Variants in ACSL4 observed in about 807,000 individuals in gnomAD.
ACSL4 encodes acyl-CoA synthetase long chain family member 4.
A neutral mutation model predicts 49.1 loss-of-function variants in ACSL4; 9 were observed. That is an observed-to-expected ratio of 0.18 (90% CI 0.11 to 0.32). The LOEUF (loss-of-function observed/expected upper bound fraction) is 0.32. ACSL4 is among the 10% of genes least tolerant of loss of function. ACSL4 has a pLI of 1.00. For missense variants in ACSL4, 333 were observed against 493.7 expected, an observed-to-expected ratio of 0.67 and a Z score of 3.08; for synonymous variants, 191 against 170.3, an observed-to-expected ratio of 1.12 and a Z score of -0.95.
intron 1 of ACSL4, among the ~76,000 whole-genome samples, chrX:109,729,386 A>T (rs1472679565): frequency 8.9e-6 from 1 of 112,063 alleles, no homozygotes; most frequent in Non-Finnish European, 1.9e-5. Context: ...TAAAACTAGG[A>T]GGATATATTA....
At position 109,700,911 on chromosome X, in the gene ACSL4, C is replaced by T. The variant is rs189676727; in HGVS notation, c.-65-4715G>A. On this transcript the variant is annotated intron_variant, in intron 1 of 15. Transcript: ENST00000672401. ...TACAAAAATTAGCCAGGTGTGGTGGCGCACACCTGCAGTCCCAGCTACTCA... is the reference window on the plus strand; with the variant it reads ...TACAAAAATTAGCCAGGTGTGGTGGTGCACACCTGCAGTCCCAGCTACTCA... Among the ~76,000 whole-genome samples the T allele has an allele frequency of 8.0e-3, 861 of 107,551 alleles. 10 individuals are homozygous for T. The highest frequency in any genetic ancestry group is 0.026 in the African/African-American group (762 of 29,509). The allele number at this position is 107,551 out of a possible 115,157, so 93.4% of individuals were successfully genotyped here.
At position 109,665,565 on chromosome X, in the gene ACSL4, TAG is replaced by T. The variant is rs1235365638; in HGVS notation, c.1316-73_1316-72del. On this transcript the variant is annotated intron_variant, in intron 11 of 15. Transcript: ENST00000672401. ...ATTTGTACCAATGCACTGGGAATAT[TAG>T]AGTTAGAACCAGAGTCAGAAAAATG... The T allele has an allele frequency of 3.0e-5, 27 of 908,785 alleles. No individual in the cohort carries two copies. In the East Asian group the frequency reaches 8.1e-4, roughly 27 times the overall value. 74.9% of individuals were successfully genotyped at this position (908,785 alleles called of 1,213,427 possible).
chrX:109,675,378 T>C (rs1427278127), intron 8 of ACSL4, among the ~76,000 whole-genome samples: 1 of 112,783 alleles, frequency 8.9e-6, no homozygotes, highest in Non-Finnish European at 1.9e-5. Flanking sequence ...AATATTGCTA[T>C]CATCAGTTGG....
intron 1 of ACSL4, among the ~76,000 whole-genome samples, chrX:109,700,785 C>T (rs1925856578): frequency 9.0e-6 from 1 of 111,000 alleles, no homozygotes; most frequent in African/African-American, 3.3e-5. Flanking sequence ...TGGCTCATGC[C>T]TATAATCCCA....
At position 109,649,307 on chromosome X, in the gene ACSL4, G is replaced by T. The variant is rs1297870204; in HGVS notation, c.1856-5121C>A. ...AAGGCTACAGTAGCCAAAACAGCAT[G>T]GTACTGGTACCAACACAGAGATACA... On this transcript the variant is annotated intron_variant, in intron 15 of 15. Transcript: ENST00000672401. 5.4e-5 allele frequency among the ~76,000 whole-genome samples: 6 copies of T among 111,683 alleles called. No homozygotes were observed. In the East Asian group the frequency reaches 1.7e-3, roughly 31 times the overall value.
At chrX:109,677,524 A>G (rs1177527816) in intron 8 of ACSL4, among the ~76,000 whole-genome samples, 1 of 110,727 alleles carries the variant, frequency 9.0e-6, no homozygotes, top group Non-Finnish European at 1.9e-5. Context: ...CACATCTGTA[A>G]TCCCAGCACT....
chrX:109,721,460 G>A (rs967900827), intron 1 of ACSL4, among the ~76,000 whole-genome samples: 2 of 112,183 alleles, frequency 1.8e-5, no homozygotes, highest in African/African-American at 6.5e-5. Flanking sequence ...GGCCAGGCGT[G>A]GTGGCTCATG....
chrX:109,723,822 T>C (rs1017231782), intron 1 of ACSL4, among the ~76,000 whole-genome samples: 1 of 112,853 alleles, frequency 8.9e-6, no homozygotes, highest in Non-Finnish European at 1.9e-5. Flanking sequence ...GAGTTATACA[T>C]GTGAACTCTC....
intron 1 of ACSL4, among the ~76,000 whole-genome samples, chrX:109,699,507 G>A (rs1925707277): frequency 8.9e-6 from 1 of 112,077 alleles, no homozygotes; most frequent in Non-Finnish European, 1.9e-5. Context: ...TTGGTTAATA[G>A]TAGATTAAAA....
chrX:109,703,957 A>G (rs989428183), intron 1 of ACSL4, among the ~76,000 whole-genome samples: 2 of 111,350 alleles, frequency 1.8e-5, no homozygotes, highest in African/African-American at 6.5e-5. Flanking sequence ...TTTCTTAGAC[A>G]TATTAGATAA....
At chrX:109,680,042 A>G (rs1192891879) in intron 6 of ACSL4, among the ~76,000 whole-genome samples, 1 of 112,310 alleles carries the variant, frequency 8.9e-6, no homozygotes, top group African/African-American at 3.2e-5. Context: ...CAGAGCAAAC[A>G]GCAGGCATGC....
At chrX:109,648,673 A>G (rs1934856218) in intron 15 of ACSL4, among the ~76,000 whole-genome samples, 1 of 110,446 alleles carries the variant, frequency 9.1e-6, no homozygotes, top group Non-Finnish European at 1.9e-5. Context: ...AGTTCTGGCC[A>G]GGGCGATCAG....
rs200793312 is a variant in ACSL4, at chrX:109,665,483, T to C, written c.1327A>G (p.Thr443Ala). 8.3e-7 allele frequency: 1 copy of C among 1,204,981 alleles called. No individual in the cohort carries two copies. Among genetic ancestry groups the C allele is most frequent in the East Asian group, 3.0e-5 (1 of 33,697 alleles). The stretch of plus-strand genomic sequence containing the variant: ...AGAGGTGCTCCAACTCTGCCAGTAG[T>C]ATAGTCAGTTACTGTGAGGGAAAAA... The part of the protein sequence containing the change: ...AGTVTEVTDY[T>A]TGRVGAPLIC... The change falls in exon 12 of 16, where the codon ACT becomes GCT. Residue 443 changes from threonine to alanine, a missense_variant. Thr to Ala is a moderately conservative substitution (Grantham distance 58, BLOSUM62 0). Around this residue, in one of 3 missense-constraint regions of ACSL4, gnomAD observed 175 missense variants for 275.8 expected, o/e 0.63. Coordinates refer to ENST00000672401, the MANE Select transcript of ACSL4 (RefSeq NM_001318510.2).
chrX:109,718,033 A>T (rs760526244), intron 1 of ACSL4, among the ~76,000 whole-genome samples: 4 of 111,982 alleles, frequency 3.6e-5, no homozygotes, highest in African/African-American at 6.5e-5. Flanking sequence ...CTTTGATTTT[A>T]ACTAAAGAGG....
chrX:109,681,263 T>C lies in ACSL4; in HGVS notation c.516+3A>G. On this transcript the variant is annotated splice_donor_region_variant and intron_variant, in intron 5 of 15. Coordinates refer to ENST00000672401, the MANE Select transcript of ACSL4 (RefSeq NM_001318510.2). ...ATGAATTAAAAGAAAATTTCATATT[T>C]ACCTTAAGTTTACTTTCCAGAAGTT... 8.3e-7 allele frequency: 1 copy of C among 1,205,414 alleles called. No homozygotes were observed. The highest frequency in any genetic ancestry group is 1.1e-6 in the Non-Finnish European group (1 of 889,777).
At position 109,713,658 on chromosome X, in the gene ACSL4, T is replaced by C. The variant is rs189866049; in HGVS notation, c.-65-17462A>G. Among the ~76,000 whole-genome samples the C allele has an allele frequency of 2.7e-5, 3 of 111,799 alleles. No individual in the cohort carries two copies. The East Asian group carries it at 8.4e-4, about 31-fold the overall frequency. On this transcript the variant is annotated intron_variant, in intron 1 of 15. Coordinates refer to ENST00000672401, the MANE Select transcript of ACSL4 (RefSeq NM_001318510.2). Reference sequence around the variant, plus strand: ...CTGGCTTATTGAGCCACTGTAATGATAAGAGTGTCATATTTCTCATTTGTT... The same window carrying C: ...CTGGCTTATTGAGCCACTGTAATGACAAGAGTGTCATATTTCTCATTTGTT...
chrX:109,653,188 A>C (rs1921301954), intron 15 of ACSL4, among the ~76,000 whole-genome samples: 3 of 111,446 alleles, frequency 2.7e-5, no homozygotes, highest in Non-Finnish European at 3.8e-5. Context: ...ATGCAGCCAA[A>C]AGACACATGA....
chrX:109,670,520 G>A (rs1250630487), intron 9 of ACSL4, among the ~76,000 whole-genome samples: 2 of 106,950 alleles, frequency 1.9e-5, no homozygotes, highest in Non-Finnish European at 3.9e-5. Context: ...GGGAGGTGGA[G>A]GTTGCAGTGA....
chrX:109,645,140 C>A (rs1934609143), intron 15 of ACSL4, among the ~76,000 whole-genome samples: 2 of 113,361 alleles, frequency 1.8e-5, no homozygotes, highest in African/African-American at 6.4e-5. Context: ...AACAAAGCAG[C>A]TGGGAAGCTC....
Sources: gnomAD v4.1 joint callset for allele counts (sites outside exome capture counted in the v4.1 genomes callset) on GRCh38, gnomAD v4.1.1 for gene constraint, gnomAD v4.1.1 regional missense constraint, MANE v1.5 for transcripts, NCBI Gene and HGNC (gene_info 2026-07-23, HGNC 2026-07-21) for gene names.